RYR3: variants seen among roughly 807,000 people sequenced by gnomAD.
The protein encoded by RYR3 is brain ryanodine receptor-calcium release channel.
A neutral mutation model predicts 584.3 loss-of-function variants in RYR3; 207 were observed. The ratio of observed to expected loss-of-function variants is 0.35; its 90% CI spans 0.32 to 0.40. The LOEUF is 0.40. RYR3 is among the 10% of genes least tolerant of loss of function. RYR3 has a pLI of 1.00. For synonymous variants in RYR3, 2,416 were observed against 2,248.5 expected (o/e 1.07, Z -2.11); for missense variants, 5,616 against 6,089.2 (o/e 0.92, Z 2.59).
chr15:33,755,861 C>T (rs78405081), intron 58 of RYR3, among the ~76,000 whole-genome samples: 2 of 152,042 alleles, frequency 1.3e-5, no homozygotes, highest in African/African-American at 4.8e-5. Context: ...CCTCTGCCTC[C>T]CAGGTTCAAG....
chr15:33,786,050 A>G, intron 66 of RYR3, 68 bp downstream of exon 66: 2 of 1,292,572 alleles, frequency 1.5e-6, no homozygotes, highest in Non-Finnish European at 2.1e-6. Flanking sequence ...TTTCATCTCT[A>G]TTATTAATTC....
At chr15:33,678,087 G>C in intron 38 of RYR3, among the ~76,000 whole-genome samples, 1 of 152,212 alleles carries the variant, frequency 6.6e-6, no homozygotes, top group East Asian at 1.9e-4. Context: ...CACCTGTCTT[G>C]TCAGTTTTTA....
chr15:33,397,495 T>TG (rs2141338313), intron 1 of RYR3, among the ~76,000 whole-genome samples: 1 of 152,302 alleles, frequency 6.6e-6, no homozygotes, highest in South Asian at 2.1e-4. Flanking sequence ...GACCAGTGCA[T>TG]GGTCAGTGGT....
chr15:33,441,581 A>G (rs932006255), intron 1 of RYR3, among the ~76,000 whole-genome samples: 17 of 152,088 alleles, frequency 1.1e-4, no homozygotes, highest in Non-Finnish European at 2.2e-4. Context: ...TTCTTGTTTC[A>G]GGGTCTAGAC....
At chr15:33,522,977 C>A (rs537606006) in intron 3 of RYR3, among the ~76,000 whole-genome samples, 1 of 152,298 alleles carries the variant, frequency 6.6e-6, no homozygotes, top group South Asian at 2.1e-4. Context: ...AATGCCCCAT[C>A]AGTTCCTTTG....
Position 33,670,427 on chromosome 15 carries a change from T to C in RYR3, c.5731T>C (p.Leu1911=). 6.2e-7 allele frequency: 1 copy of C among 1,613,694 alleles called. No individual in the cohort carries two copies. Residue 1911 remains leucine, a synonymous_variant, in exon 38 of 104, where the codon TTG becomes CTG. Coordinates refer to ENST00000634891, the MANE Select transcript of RYR3 (RefSeq NM_001036.6). ...GTTCTGTGGCTTGCTAGGGGTTCCT[T>C]TGGAAGAAGAGGAAGAGGAGGAGGA... is the stretch of plus-strand genomic sequence containing the variant. The part of the protein sequence containing the change: ...EDLLLHCGVP[L]EEEEEEEEDT...
intron 1 of RYR3, among the ~76,000 whole-genome samples, chr15:33,463,659 C>A (rs1018437898): frequency 6.6e-6 from 1 of 152,120 alleles, no homozygotes; most frequent in Non-Finnish European, 1.5e-5. Context: ...GCCTGCATGC[C>A]GCTACATCTC....
rs115030040 is a variant in RYR3 at position 33,405,935 on chromosome 15, A to C, written c.52-67484A>C. 7.6e-3 allele frequency among the ~76,000 whole-genome samples: 1,164 copies of C among 152,356 alleles called. 14 individuals are homozygous for C. The highest frequency in any genetic ancestry group is 0.027 in the African/African-American group (1,114 of 41,588). On this transcript the variant is annotated intron_variant, in intron 1 of 103. Transcript: ENST00000634891. ...AGGCCCATAGCATCCTCACAGGTGT[A>C]TATCATGGAGAAAAGAATGTGTCAC... is the stretch of plus-strand genomic sequence containing the variant.
intron 1 of RYR3, among the ~76,000 whole-genome samples, chr15:33,377,293 A>G (rs537823555): frequency 6.6e-6 from 1 of 152,320 alleles, no homozygotes; most frequent in South Asian, 2.1e-4. Context: ...TCTTCTCTAA[A>G]CAATGACGCA....
chr15:33,761,115 A>G (rs1368848912), intron 60 of RYR3, among the ~76,000 whole-genome samples: 1 of 152,214 alleles, frequency 6.6e-6, no homozygotes, highest in Admixed American at 6.5e-5. Context: ...TTAGAGGGAA[A>G]TTTATAATAC....
At chr15:33,596,190 CT>C (rs979521333) in intron 16 of RYR3, among the ~76,000 whole-genome samples, 3 of 151,124 alleles carry the variant, frequency 2.0e-5, no homozygotes, top group African/African-American at 2.4e-5. Flanking sequence ...AACTTGTTCA[CT>C]TTTTTTTAAG....
chr15:33,697,199 A>G (rs1038148884), intron 39 of RYR3, among the ~76,000 whole-genome samples: 1 of 152,216 alleles, frequency 6.6e-6, no homozygotes, highest in Non-Finnish European at 1.5e-5. Context: ...ACCAAGGTGC[A>G]GGAAAGGGAC....
chr15:33,811,139 A>G, intron 72 of RYR3, 102 bp downstream of exon 72: 1 of 982,872 alleles, frequency 1.0e-6, no homozygotes, highest in Non-Finnish European at 1.6e-6. Context: ...TATGTGTTCC[A>G]AAAACAGTTT....
chr15:33,739,784 G>A (rs776401988), intron 50 of RYR3, 48 bp from the exon 51 acceptor site: 23 of 1,532,048 alleles, frequency 1.5e-5, no homozygotes, highest in Non-Finnish European at 2.0e-5. Context: ...CTGTCTAAAG[G>A]CATGGTTCTG....
chr15:33,384,104 A>G (rs1286793536), intron 1 of RYR3, among the ~76,000 whole-genome samples: 1 of 152,180 alleles, frequency 6.6e-6, no homozygotes, highest in East Asian at 1.9e-4. Flanking sequence ...TTTGATAGGC[A>G]GGCAAGTCCT....
At chr15:33,509,293 G>A (rs1376580221) in intron 3 of RYR3, among the ~76,000 whole-genome samples, 1 of 152,160 alleles carries the variant, frequency 6.6e-6, no homozygotes, top group Non-Finnish European at 1.5e-5. Flanking sequence ...AATGAAGAGG[G>A]CTAATAGGAT....
chr15:33,534,409 A>T (rs2055150394), intron 5 of RYR3, among the ~76,000 whole-genome samples: 1 of 152,280 alleles, frequency 6.6e-6, no homozygotes, highest in South Asian at 2.1e-4. Context: ...CTCGAAAGAA[A>T]AAAGTAGTAA....
Position 33,696,499 on chromosome 15 carries a change from A to T in RYR3, c.6134+8A>T. The T allele has an allele frequency of 6.2e-7, 1 of 1,613,792 alleles. No homozygotes were observed. The highest frequency in any genetic ancestry group is 8.5e-7 in the Non-Finnish European group (1 of 1,179,760). Reference sequence around the variant, plus strand: ...CATGATCAATGGGCTGGGGTAGGTGATTCACGGTTACGTGCTGTTCTCTCT... The same window carrying T: ...CATGATCAATGGGCTGGGGTAGGTGTTTCACGGTTACGTGCTGTTCTCTCT... On this transcript the variant is annotated splice_region_variant and intron_variant, in intron 39 of 103. Coordinates refer to ENST00000634891, the MANE Select transcript of RYR3 (RefSeq NM_001036.6).
At chr15:33,857,656 C>G in intron 98 of RYR3, 124 bp from the exon 99 acceptor site, 1 of 1,212,590 alleles carries the variant, frequency 8.2e-7, no homozygotes, top group Non-Finnish European at 1.2e-6. Flanking sequence ...GCCCTCCACC[C>G]CTTCCCCATT....
Sources: allele counts gnomAD v4.1 joint callset (sites outside exome capture counted in the v4.1 genomes callset), GRCh38; gene constraint gnomAD v4.1.1; transcripts MANE v1.5; gene names NCBI Gene and HGNC (gene_info 2026-07-23, HGNC 2026-07-21).